ARHGEF3: variants seen among roughly 807,000 people sequenced by gnomAD.
ARHGEF3 encodes the protein 59.8 kDA protein.
In ARHGEF3, 28 loss-of-function variants were observed where a neutral mutation model predicts 63.2. That is an observed-to-expected ratio of 0.44 (90% CI 0.33 to 0.61). The LOEUF is 0.61. Ranked by LOEUF, ARHGEF3 falls within the 20% of genes least tolerant of loss-of-function variation. The pLI is 0.03. For synonymous variants in ARHGEF3, 266 were observed against 254.2 expected (o/e 1.05, Z -0.44); for missense variants, 533 against 659.3 (o/e 0.81, Z 2.10).
chr3:56,842,147 T>G (rs1227493987), intron 4 of ARHGEF3, among the ~76,000 whole-genome samples: 2 of 152,180 alleles, frequency 1.3e-5, no homozygotes, highest in Non-Finnish European at 2.9e-5. Flanking sequence ...ACTCAGTTCC[T>G]CCCCAACGCC....
intron 2 of ARHGEF3, among the ~76,000 whole-genome samples, chr3:57,000,989 G>C (rs897827494): frequency 6.6e-6 from 1 of 151,888 alleles, no homozygotes; most frequent in Non-Finnish European, 1.5e-5. Context: ...GCCCAGGCTA[G>C]AGTGCAGTGG....
intron 1 of ARHGEF3, among the ~76,000 whole-genome samples, chr3:56,789,020 A>ACGC (rs539946111): frequency 6.7e-6 from 1 of 149,112 alleles, no homozygotes; most frequent in Non-Finnish European, 1.5e-5. Context: ...TTCAAGATAG[A>ACGC]TGCTGCTGCT....
chr3:56,856,958 T>C (rs551594814), intron 4 of ARHGEF3, among the ~76,000 whole-genome samples: 1 of 152,094 alleles, frequency 6.6e-6, no homozygotes, highest in South Asian at 2.1e-4. Context: ...AAACTAACTA[T>C]GGAGACCAAA....
chr3:56,972,780 A>T (rs938292553), intron 2 of ARHGEF3, among the ~76,000 whole-genome samples: 1 of 152,038 alleles, frequency 6.6e-6, no homozygotes, highest in African/African-American at 2.4e-5. Flanking sequence ...AGGTCTCTGG[A>T]TTTTAGTCCA....
intron 3 of ARHGEF3, among the ~76,000 whole-genome samples, chr3:56,921,003 C>A (rs571751253): frequency 4.2e-4 from 57 of 136,590 alleles, no homozygotes; most frequent in African/African-American, 1.2e-3. Flanking sequence ...TGCAGTGAGC[C>A]GAGATTGCAC....
intron 1 of ARHGEF3, among the ~76,000 whole-genome samples, chr3:56,789,009 G>A (rs1039822056): frequency 1.3e-5 from 2 of 150,554 alleles, no homozygotes; most frequent in Admixed American, 6.6e-5. Context: ...ACTGATCTAC[G>A]TTCAAGATAG....
chr3:56,878,205 C>T (rs983860317), intron 4 of ARHGEF3, among the ~76,000 whole-genome samples: 1 of 152,158 alleles, frequency 6.6e-6, no homozygotes. Context: ...TGAGCTACAG[C>T]GTCTCTCGCC....
intron 3 of ARHGEF3, among the ~76,000 whole-genome samples, chr3:56,907,736 G>A (rs1010814763): frequency 6.6e-5 from 10 of 152,136 alleles, no homozygotes; most frequent in African/African-American, 2.4e-4. Flanking sequence ...TGAAGCTGGA[G>A]GCCATTATCC....
At chr3:57,050,395 C>G (rs960725970) in intron 1 of ARHGEF3, among the ~76,000 whole-genome samples, 1 of 152,268 alleles carries the variant, frequency 6.6e-6, no homozygotes, top group African/African-American at 2.4e-5. Context: ...CTGCTTCCAC[C>G]CTGGAAGGCC....
intron 4 of ARHGEF3, among the ~76,000 whole-genome samples, chr3:56,871,880 T>C (rs2040441677): frequency 1.3e-5 from 2 of 152,218 alleles, no homozygotes; most frequent in South Asian, 4.1e-4. Context: ...CTTTCCAGTA[T>C]GAATGGAGGC....
intron 4 of ARHGEF3, among the ~76,000 whole-genome samples, chr3:56,813,638 T>C (rs1447525468): frequency 4.6e-5 from 7 of 152,194 alleles, no homozygotes; most frequent in Non-Finnish European, 8.8e-5. Flanking sequence ...ATAAAAATGA[T>C]GCTGGCAGAG....
At chr3:57,027,500 C>G (rs771705546) in intron 2 of ARHGEF3, among the ~76,000 whole-genome samples, 1 of 152,124 alleles carries the variant, frequency 6.6e-6, no homozygotes, top group East Asian at 1.9e-4. Context: ...TAGGAGGACC[C>G]AGACAGACAA....
At chr3:56,990,148 G>T (rs1299349130) in intron 2 of ARHGEF3, among the ~76,000 whole-genome samples, 5 of 152,198 alleles carry the variant, frequency 3.3e-5, no homozygotes, top group African/African-American at 1.2e-4. Flanking sequence ...TATGCAAAGT[G>T]CATTAATCAG....
At chr3:57,073,698 T>A (rs183183181) in intron 1 of ARHGEF3, 1 of 1,611,990 alleles carries the variant, frequency 6.2e-7, no homozygotes, top group East Asian at 2.2e-5. Context: ...GGGCCCCATG[T>A]CCAGTTCTGC....
chr3:56,805,797 C>T (rs2037844145), upstream of ARHGEF3, among the ~76,000 whole-genome samples: 1 of 152,134 alleles, frequency 6.6e-6, no homozygotes, highest in African/African-American at 2.4e-5. Context: ...TGGCCTGTAA[C>T]AATTTAAATA....
intron 2 of ARHGEF3, among the ~76,000 whole-genome samples, chr3:56,773,266 A>C (rs1255251391): frequency 6.6e-6 from 1 of 152,136 alleles, no homozygotes; most frequent in Non-Finnish European, 1.5e-5. Flanking sequence ...AAGAATTTTA[A>C]AAAGTAAAAA....
At chr3:56,742,967 A>G (rs983746484) in intron 7 of ARHGEF3, among the ~76,000 whole-genome samples, 8 of 152,244 alleles carry the variant, frequency 5.3e-5, no homozygotes, top group Non-Finnish European at 1.5e-5. Context: ...TTAAAAAGAA[A>G]TCTTTACAGT....
At chr3:56,822,205 T>C (rs1325835750) in intron 4 of ARHGEF3, among the ~76,000 whole-genome samples, 31 of 152,186 alleles carry the variant, frequency 2.0e-4, no homozygotes, top group Non-Finnish European at 4.4e-5. Context: ...TGAACAACCC[T>C]TTCAGGAAAG....
chr3:56,873,215 CTA>C (rs1459862114), intron 4 of ARHGEF3, among the ~76,000 whole-genome samples: 1 of 88,096 alleles, frequency 1.1e-5, no homozygotes, highest in East Asian at 3.6e-4. Flanking sequence ...TACTTTTGTG[CTA>C]TGTTTGTTTT....
Sources: allele counts gnomAD v4.1 joint callset (sites outside exome capture counted in the v4.1 genomes callset), GRCh38; gene constraint gnomAD v4.1.1; transcripts MANE v1.5; gene names NCBI Gene and HGNC (gene_info 2026-07-23, HGNC 2026-07-21).